The following SMOC1 variants were observed in gnomAD, a reference collection of about 807,000 sequenced individuals.
SMOC1 encodes the protein SPARC-related modular calcium-binding protein 1.
Under a neutral mutation model 56.3 loss-of-function variants are expected in SMOC1, and 22 were observed. The observed-to-expected ratio is 0.39, with a 90% CI of 0.28 to 0.56. SMOC1 has a LOEUF of 0.56. SMOC1 is among the 20% of genes least tolerant of loss of function. The pLI, the probability that SMOC1 is intolerant of heterozygous loss-of-function variation, is 0.61. For synonymous variants in SMOC1, 193 were observed against 215.0 expected (o/e 0.90, Z 0.89); for missense variants, 509 against 565.4 (o/e 0.90, Z 1.01).
At chr14:70,023,675 T>C (rs1885818822) in intron 11 of SMOC1, among the ~76,000 whole-genome samples, 1 of 152,210 alleles carries the variant, frequency 6.6e-6, no homozygotes, top group Non-Finnish European at 1.5e-5. Flanking sequence ...ACATGAGCTG[T>C]GATACATGCT....
intron 1 of SMOC1, 75 bp from the exon 2 acceptor site, chr14:69,952,063 A>G: frequency 1.3e-6 from 2 of 1,525,396 alleles, no homozygotes. Context: ...GCAAACAAGT[A>G]CTGTAAGTCA....
At chr14:69,909,879 G>GT (rs570017268) in intron 1 of SMOC1, among the ~76,000 whole-genome samples, 142 of 152,302 alleles carry the variant, frequency 9.3e-4, no homozygotes, top group African/African-American at 2.9e-3. Context: ...AGGTTTTTGG[G>GT]TCTAGCACTC....
chr14:69,975,979 T>C (rs1159194621), intron 4 of SMOC1, among the ~76,000 whole-genome samples, 165 bp downstream of exon 4: 1 of 151,940 alleles, frequency 6.6e-6, no homozygotes, highest in Non-Finnish European at 1.5e-5. Flanking sequence ...AGTCAGCAAA[T>C]GATAAGGCAT....
chr14:69,936,165 T>A (rs1367551324), intron 1 of SMOC1, among the ~76,000 whole-genome samples: 1 of 152,170 alleles, frequency 6.6e-6, no homozygotes, highest in East Asian at 1.9e-4. Context: ...TGTCACCTTC[T>A]AGTCTAAGGG....
At chr14:69,893,118 T>C (rs1476443716) in intron 1 of SMOC1, among the ~76,000 whole-genome samples, 1 of 152,226 alleles carries the variant, frequency 6.6e-6, no homozygotes, top group Non-Finnish European at 1.5e-5. Flanking sequence ...ATCCTTTATA[T>C]TTCTCGTAAA....
chr14:69,913,361 T>A (rs1884604310), intron 1 of SMOC1, among the ~76,000 whole-genome samples: 2 of 152,100 alleles, frequency 1.3e-5, no homozygotes, highest in Non-Finnish European at 2.9e-5. Flanking sequence ...AAGCAAAATA[T>A]GATTGGATGT....
intron 1 of SMOC1, among the ~76,000 whole-genome samples, chr14:69,940,821 A>G (rs1237413349): frequency 6.6e-6 from 1 of 151,784 alleles, no homozygotes; most frequent in East Asian, 1.9e-4. Context: ...CTCTCTGTTT[A>G]TTTGATTTGT....
intron 11 of SMOC1, among the ~76,000 whole-genome samples, chr14:70,029,137 G>A (rs188008702): frequency 3.9e-5 from 6 of 152,252 alleles, no homozygotes; most frequent in African/African-American, 1.4e-4. Flanking sequence ...GAGTGGTGGC[G>A]GGGGGCAGCT....
chr14:69,936,460 C>A (rs1885297966), intron 1 of SMOC1, among the ~76,000 whole-genome samples: 1 of 152,240 alleles, frequency 6.6e-6, no homozygotes, highest in African/African-American at 2.4e-5. Context: ...CTGTGCTGAA[C>A]TGAGAACCGT....
intron 1 of SMOC1, among the ~76,000 whole-genome samples, chr14:69,913,938 A>G (rs2139352513): frequency 6.6e-6 from 1 of 152,338 alleles, no homozygotes; most frequent in East Asian, 1.9e-4. Flanking sequence ...ATTGGAACCT[A>G]GAGTTAGAGT....
At chr14:69,997,652 G>C (rs1309733596) in intron 7 of SMOC1, among the ~76,000 whole-genome samples, 1 of 152,098 alleles carries the variant, frequency 6.6e-6, no homozygotes, top group Non-Finnish European at 1.5e-5. Flanking sequence ...CAAAACACTG[G>C]TGACTCTTGG....
intron 3 of SMOC1, among the ~76,000 whole-genome samples, chr14:69,972,189 T>A (rs1004074118): frequency 1.7e-4 from 26 of 152,312 alleles, no homozygotes; most frequent in Admixed American, 8.5e-4. Context: ...GTGGCGGAGC[T>A]GGGAGGTGCT....
intron 1 of SMOC1, among the ~76,000 whole-genome samples, chr14:69,881,665 C>G (rs1037239778): frequency 2.0e-5 from 3 of 151,846 alleles, no homozygotes; most frequent in Non-Finnish European, 4.4e-5. Flanking sequence ...CACTCAAATA[C>G]ATACATGCAC....
intron 5 of SMOC1, among the ~76,000 whole-genome samples, chr14:69,984,766 A>C (rs759931631): frequency 1.4e-4 from 22 of 152,072 alleles, no homozygotes; most frequent in Admixed American, 3.9e-4. Flanking sequence ...GCGAGGCAGG[A>C]GAATCACTTG....
At chr14:69,914,941 G>A (rs150199725) in intron 1 of SMOC1, among the ~76,000 whole-genome samples, 4 of 151,552 alleles carry the variant, frequency 2.6e-5, no homozygotes, top group East Asian at 1.9e-4. Flanking sequence ...ATCTTGGCTC[G>A]CTGCAACCTC....
At chr14:70,026,811 G>A (rs1370155091) in intron 11 of SMOC1, among the ~76,000 whole-genome samples, 9 of 152,146 alleles carry the variant, frequency 5.9e-5, no homozygotes, top group Admixed American at 5.9e-4. Context: ...GTTCATGTCT[G>A]TGTCTGTTTG....
chr14:69,879,773 C>A lies in SMOC1; in HGVS notation c.95C>A (p.Pro32His). The change falls in exon 1 of 12, where the codon CCC (proline) becomes CAC (histidine). Residue 32 changes from proline (P) to histidine (H), a missense_variant. This residue lies in a region of SMOC1 where 315 missense variants were observed against 333.1 expected (regional missense o/e 0.95). Transcript: ENST00000361956. ...SPARGHRTTG[P>H]RFLISDRDPQ... ...GCTCGCGGCCACCGCACCACAGGCC[C>A]CAGGGTAAGTGCGCCCCCAGCTTTG... The A allele has an allele frequency of 6.3e-7, 1 of 1,588,464 alleles. No homozygotes were observed. Among genetic ancestry groups the A allele is most frequent in the East Asian group, 2.3e-5 (1 of 43,868 alleles).
At chr14:69,992,888 T>G (rs904694703) in intron 6 of SMOC1, among the ~76,000 whole-genome samples, 1 of 152,120 alleles carries the variant, frequency 6.6e-6, no homozygotes, top group African/African-American at 2.4e-5. Flanking sequence ...AAAAGGAGGT[T>G]TGGAGATGTA....
intron 7 of SMOC1, among the ~76,000 whole-genome samples, chr14:70,000,094 T>C (rs1884911326): frequency 6.6e-6 from 1 of 152,212 alleles, no homozygotes. Context: ...TTTCTGGAAG[T>C]CAACTACAGT....
Sources: gnomAD v4.1 joint callset for allele counts (sites outside exome capture counted in the v4.1 genomes callset) on GRCh38, gnomAD v4.1.1 for gene constraint, gnomAD v4.1.1 regional missense constraint, MANE v1.5 for transcripts, NCBI Gene and HGNC (gene_info 2026-07-23, HGNC 2026-07-21) for gene names.